Variants in MALRD1 observed in about 807,000 individuals in gnomAD.
MALRD1 encodes the protein MAM and LDL-receptor class A domain-containing protein 1.
A neutral mutation model predicts 242.1 loss-of-function variants in MALRD1; 247 were observed. The observed-to-expected ratio is 1.02, with a 90% CI of 0.92 to 1.13. MALRD1 has a LOEUF of 1.13. Among genes scored for constraint, MALRD1 ranks in the 50% most tolerant of loss-of-function variants. The pLI is 0.00. For missense variants in MALRD1, 2,989 were observed against 2,533.1 expected (o/e 1.18, Z -3.86); for synonymous variants, 995 against 866.6 (o/e 1.15, Z -2.60).
intron 26 of MALRD1, among the ~76,000 whole-genome samples, chr10:19,366,905 G>C (rs1395825143): frequency 6.6e-6 from 1 of 152,080 alleles, no homozygotes; most frequent in Non-Finnish European, 1.5e-5. Flanking sequence ...ACCAGTATTT[G>C]GTTTGTCAGT....
chr10:19,607,974 A>G (rs891312247), intron 35 of MALRD1, 72 bp downstream of exon 35: 1 of 1,508,762 alleles, frequency 6.6e-7, no homozygotes, highest in African/African-American at 1.4e-5. Context: ...TGAAAATATT[A>G]AAACTTGAGG....
intron 18 of MALRD1, among the ~76,000 whole-genome samples, chr10:19,214,268 A>G (rs1837203332): frequency 6.6e-6 from 1 of 152,150 alleles, no homozygotes; most frequent in African/African-American, 2.4e-5. Context: ...CTCCTGGAGT[A>G]CTGGGCTGGA....
At chr10:19,696,997 A>G (rs556479037) in intron 38 of MALRD1, among the ~76,000 whole-genome samples, 7 of 152,310 alleles carry the variant, frequency 4.6e-5, no homozygotes, top group East Asian at 1.9e-4. Context: ...CATGAACACA[A>G]ACATGAATGA....
intron 26 of MALRD1, among the ~76,000 whole-genome samples, chr10:19,368,890 TTTG>T (rs1564599858): frequency 0.028 from 3,998 of 142,118 alleles, 83 homozygotes; most frequent in African/African-American, 0.061. Flanking sequence ...TGTGTGTGTG[TTTG>T]TGTGTGTGTG....
At position 19,692,867 on chromosome 10, in the gene MALRD1, T is replaced by TTATATATATATATATA. The variant is rs1254775928; in HGVS notation, c.6314+318_6314+333dup. On this transcript the variant is annotated intron_variant, in intron 38 of 39. Coordinates refer to ENST00000454679, the MANE Select transcript of MALRD1 (RefSeq NM_001142308.3). ...ATATGAAATTTATATATAGATGAAA[T>TTATATATATATATATA]TATATATATATATATATATAATTTC... 3.0e-3 allele frequency among the ~76,000 whole-genome samples: 89 copies of TTATATATATATATATA among 29,630 alleles called. 1 individual carries two copies. Among genetic ancestry groups the TTATATATATATATATA allele is most frequent in the African/African-American group, 8.8e-3 (79 of 9,006 alleles). The allele number at this position is 29,630 out of a possible 152,430, so 19.4% of individuals were successfully genotyped here.
intron 10 of MALRD1, among the ~76,000 whole-genome samples, chr10:19,144,091 G>A (rs1201918445): frequency 6.6e-6 from 1 of 152,176 alleles, no homozygotes; most frequent in Non-Finnish European, 1.5e-5. Flanking sequence ...TGCACCATTA[G>A]GCGATGTGCA....
chr10:19,121,603 C>A (rs1837067835), intron 5 of MALRD1, among the ~76,000 whole-genome samples: 1 of 139,630 alleles, frequency 7.2e-6, no homozygotes, highest in Non-Finnish European at 1.5e-5. Flanking sequence ...AGAAAGAGAA[C>A]ACATCGTTGT....
intron 34 of MALRD1, among the ~76,000 whole-genome samples, chr10:19,599,126 A>G (rs1450461753): frequency 6.6e-6 from 1 of 152,176 alleles, no homozygotes; most frequent in Admixed American, 6.6e-5. Flanking sequence ...TCTTTCAAGA[A>G]GTTGCAATTG....
At chr10:19,706,725 C>G (rs1328966479) in intron 38 of MALRD1, among the ~76,000 whole-genome samples, 1 of 152,002 alleles carries the variant, frequency 6.6e-6, no homozygotes, top group African/African-American at 2.4e-5. Context: ...CACCCATTGT[C>G]CACCAACTAG....
chr10:19,630,846 A>G (rs946678051), intron 36 of MALRD1, among the ~76,000 whole-genome samples: 1 of 152,178 alleles, frequency 6.6e-6, no homozygotes, highest in Admixed American at 6.5e-5. Flanking sequence ...GTATTTGCCT[A>G]TATTTTTTGG....
At chr10:19,201,522 C>T (rs1007422873) in intron 14 of MALRD1, among the ~76,000 whole-genome samples, 1 of 152,158 alleles carries the variant, frequency 6.6e-6, no homozygotes, top group East Asian at 1.9e-4. Flanking sequence ...AACCTGCTTT[C>T]TCCCCGTATT....
Position 19,667,476 on chromosome 10 carries a change from G to A in MALRD1, c.6138-24806G>A, listed in dbSNP as rs139509684. ...ACTGTAATCTCCAATGCTAGAGTTG[G>A]GGCCTGGTGGGAGGTGTTTGGGTCA... is the stretch of plus-strand genomic sequence containing the variant. On this transcript the variant is annotated intron_variant, in intron 36 of 39. Transcript: ENST00000454679. Among the ~76,000 whole-genome samples, 374 of 152,180 alleles carry A rather than the reference G, an allele frequency of 2.5e-3. 2 individuals are homozygous for A. Among genetic ancestry groups the A allele is most frequent in the African/African-American group, 8.5e-3 (351 of 41,528 alleles).
At chr10:19,575,347 T>G (rs980297244) in intron 33 of MALRD1, among the ~76,000 whole-genome samples, 1 of 152,090 alleles carries the variant, frequency 6.6e-6, no homozygotes, top group African/African-American at 2.4e-5. Context: ...GTGACATCAC[T>G]GAAGGTGATA....
intron 33 of MALRD1, among the ~76,000 whole-genome samples, chr10:19,576,103 G>A (rs11010496): frequency 0.12 from 18,671 of 152,194 alleles, 1,300 homozygotes; most frequent in African/African-American, 0.18. Context: ...CCAAACCAAG[G>A]ACATGAGCAG....
intron 26 of MALRD1, among the ~76,000 whole-genome samples, chr10:19,365,333 C>T (rs1322639192): frequency 1.3e-5 from 2 of 151,894 alleles, no homozygotes; most frequent in Non-Finnish European, 2.9e-5. Flanking sequence ...AACTTAAATG[C>T]TTTTACTTCA....
At chr10:19,331,766 C>T (rs752079604) in intron 24 of MALRD1, among the ~76,000 whole-genome samples, 184 bp downstream of exon 24, 29 of 152,112 alleles carry the variant, frequency 1.9e-4, no homozygotes, top group Non-Finnish European at 2.4e-4. Flanking sequence ...AATTCATTTA[C>T]AACCAATTGA....
intron 36 of MALRD1, among the ~76,000 whole-genome samples, chr10:19,653,849 A>AT (rs1015661864): frequency 6.6e-6 from 1 of 152,016 alleles, no homozygotes; most frequent in Non-Finnish European, 1.5e-5. Flanking sequence ...TTTCTCCTCT[A>AT]TTTTTTTGAG....
At position 19,175,758 on chromosome 10, in the gene MALRD1, A is replaced by T. The variant is rs998021602; in HGVS notation, c.1951+430A>T. On this transcript the variant is annotated intron_variant, in intron 14 of 39. Transcript: ENST00000454679. ...CAAAAAGGTTGTGTTTGGGAAAATG[A>T]TGTAAGGCCAACCAAAATTTAAAAC... is the stretch of plus-strand genomic sequence containing the variant. 2.6e-5 allele frequency among the ~76,000 whole-genome samples: 4 copies of T among 152,080 alleles called. No individual in the cohort carries two copies. In the South Asian group the frequency reaches 8.3e-4, roughly 31 times the overall value.
At chr10:19,431,970 GTTC>G (rs1039169747) in intron 28 of MALRD1, among the ~76,000 whole-genome samples, 6 of 151,868 alleles carry the variant, frequency 4.0e-5, no homozygotes, top group African/African-American at 1.5e-4. Flanking sequence ...TTTTCCCAGT[GTTC>G]TTCTACGTTC....
Sources: allele counts gnomAD v4.1 joint callset (sites outside exome capture counted in the v4.1 genomes callset), GRCh38; gene constraint gnomAD v4.1.1; transcripts MANE v1.5; gene names NCBI Gene and HGNC (gene_info 2026-07-23, HGNC 2026-07-21).